Variants in YEATS4 observed in about 807,000 individuals in gnomAD.
The protein encoded by YEATS4 is YEATS domain-containing protein 4.
YEATS4 carries 17 observed loss-of-function variants against 30.1 expected under a neutral mutation model. That is an observed-to-expected ratio of 0.56 (90% confidence interval 0.39 to 0.85). The LOEUF is 0.85. YEATS4 is among the 40% of genes least tolerant of loss of function. The pLI, the probability that YEATS4 is intolerant of heterozygous loss-of-function variation, is 0.00. For synonymous variants in YEATS4, 85 were observed against 87.5 expected, an observed-to-expected ratio of 0.97 and a Z score of 0.16; for missense variants, 142 against 268.3, an observed-to-expected ratio of 0.53 and a Z score of 3.29.
chr12:69,420,301 G>A, the YEATS4 span, among the ~76,000 whole-genome samples: 1 of 152,126 alleles, frequency 6.6e-6, no homozygotes, highest in African/African-American at 2.4e-5. Flanking sequence ...TGTTATAAAG[G>A]CCTGAAGAAA....
At chr12:69,372,973 T>C (rs543925520) in intron 6 of YEATS4, among the ~76,000 whole-genome samples, 29 of 152,350 alleles carry the variant, frequency 1.9e-4, no homozygotes, top group African/African-American at 7.0e-4. Context: ...ATTTCATTCC[T>C]TTTTTATGGC....
At chr12:69,399,381 A>G in the YEATS4 span, among the ~76,000 whole-genome samples, 3 of 152,222 alleles carry the variant, frequency 2.0e-5, no homozygotes. Context: ...AGATATTCAA[A>G]TGGCCAATAA....
At chr12:69,424,682 A>C in the YEATS4 span, among the ~76,000 whole-genome samples, 1 of 151,822 alleles carries the variant, frequency 6.6e-6, no homozygotes, top group Non-Finnish European at 1.5e-5. Flanking sequence ...CTTTATAAGG[A>C]GCTCTTTCCC....
At chr12:69,370,502 T>C (rs901652389) in intron 4 of YEATS4, among the ~76,000 whole-genome samples, 2 of 152,224 alleles carry the variant, frequency 1.3e-5, no homozygotes, top group Non-Finnish European at 2.9e-5. Context: ...AGAGTATTCA[T>C]GTTAGGTAGA....
intron 1 of YEATS4, among the ~76,000 whole-genome samples, chr12:69,362,333 C>T (rs1180642119): frequency 2.2e-5 from 3 of 139,330 alleles, no homozygotes; most frequent in African/African-American, 7.7e-5. Context: ...TGATTAAACA[C>T]GTAAGTAAAA....
intron 4 of YEATS4, among the ~76,000 whole-genome samples, chr12:69,368,906 T>G (rs930403589): frequency 6.6e-6 from 1 of 152,198 alleles, no homozygotes; most frequent in Admixed American, 6.5e-5. Flanking sequence ...AAAGACCCTG[T>G]TTCCAAATAA....
intron 6 of YEATS4, among the ~76,000 whole-genome samples, chr12:69,381,330 G>C (rs1279249811): frequency 6.6e-6 from 1 of 152,200 alleles, no homozygotes; most frequent in African/African-American, 2.4e-5. Flanking sequence ...ATATGGCTCT[G>C]TTCTGCCTGG....
chr12:69,362,682 T>G lies in YEATS4; in HGVS notation c.52-106T>G. 3 of 822,994 alleles carry G rather than the reference T, an allele frequency of 3.6e-6. No individual in the cohort carries two copies. In the South Asian group the frequency reaches 8.6e-5, roughly 24 times the overall value. 51.0% of individuals were successfully genotyped at this position (822,994 alleles called of 1,614,324 possible). On this transcript the variant is annotated intron_variant, in intron 1 of 6. Coordinates refer to ENST00000247843, the MANE Select transcript of YEATS4 (RefSeq NM_006530.4). ...AGAAATCCATATTATAAGCAAACTA[T>G]AGATTGTTAGCCTGCCATTCTTTAA...
intron 4 of YEATS4, among the ~76,000 whole-genome samples, chr12:69,370,210 CA>C (rs1383727467): frequency 1.3e-5 from 2 of 152,060 alleles, no homozygotes; most frequent in Admixed American, 6.6e-5. Flanking sequence ...TTGCTCTTGC[CA>C]AAGTGAATTA....
At chr12:69,405,684 G>A in the YEATS4 span, among the ~76,000 whole-genome samples, 4 of 152,174 alleles carry the variant, frequency 2.6e-5, no homozygotes, top group African/African-American at 9.7e-5. Flanking sequence ...TGGATCTGCT[G>A]GACACAGGGA....
chr12:69,359,957 T>G lies in YEATS4; in HGVS notation c.-16T>G. 1.2e-6 allele frequency: 2 copies of G among 1,612,036 alleles called. No individual in the cohort carries two copies. Among genetic ancestry groups the G allele is most frequent in the Non-Finnish European group, 8.5e-7 (1 of 1,178,986 alleles). ...GTCTCTTTCCCTGGCGGCGGCGGCT[T>G]CTTCCGTGGGACAATATGTTCAAGA... On this transcript the variant is annotated 5_prime_UTR_variant, in exon 1 of 7. Transcript: ENST00000247843.
At chr12:69,404,177 T>C in the YEATS4 span, among the ~76,000 whole-genome samples, 1 of 152,192 alleles carries the variant, frequency 6.6e-6, no homozygotes, top group Admixed American at 6.5e-5. Context: ...ACCTCCTAAA[T>C]GATATATTTG....
the YEATS4 span, among the ~76,000 whole-genome samples, chr12:69,414,688 G>T: frequency 2.0e-5 from 3 of 152,142 alleles, no homozygotes; most frequent in Non-Finnish European, 4.4e-5. Context: ...GGCATATAAC[G>T]TCTGGAGGTA....
the YEATS4 span, among the ~76,000 whole-genome samples, chr12:69,420,904 A>G: frequency 3.9e-5 from 6 of 152,094 alleles, no homozygotes; most frequent in Non-Finnish European, 8.8e-5. Flanking sequence ...TAATGATGTC[A>G]TTTGAGGTCT....
Position 69,390,206 on chromosome 12 carries a change from T to C in YEATS4, c.574T>C (p.Phe192Leu). ...AGAAGCTGCTAAGAAAAAAACAAGC[T>C]TTGAGATTGCAGAGCTTAAGGAGAG... ...KLEAAKKKTSFEIAELKERLK... is the reference protein window; with the variant it reads ...KLEAAKKKTSLEIAELKERLK... The change falls in exon 7 of 7, where the codon TTT becomes CTT. Residue 192 changes from phenylalanine to leucine, a missense_variant. Physicochemically the swap from Phe to Leu is conservative, Grantham distance 22. This residue lies in a region of YEATS4 where 53 missense variants were observed against 68.6 expected (regional missense o/e 0.77). Coordinates refer to ENST00000247843, the MANE Select transcript of YEATS4 (RefSeq NM_006530.4). 6.2e-7 allele frequency: 1 copy of C among 1,601,872 alleles called. No individual in the cohort carries two copies. The highest frequency in any genetic ancestry group is 8.5e-7 in the Non-Finnish European group (1 of 1,177,182).
rs192268617 is a variant in YEATS4 at position 69,365,088 on chromosome 12, G to T, written c.172-545G>T. ...TTTGCCAAAAAAAAAGTTAATTTGGGACGTGTATTTCTATACATTACAAAT... is the reference window on the plus strand; with the variant it reads ...TTTGCCAAAAAAAAAGTTAATTTGGTACGTGTATTTCTATACATTACAAAT... On this transcript the variant is annotated intron_variant, in intron 2 of 6. Coordinates refer to ENST00000247843, the MANE Select transcript of YEATS4 (RefSeq NM_006530.4). Among the ~76,000 whole-genome samples the T allele has an allele frequency of 3.3e-3, 506 of 152,180 alleles. 5 individuals are homozygous for T. Among genetic ancestry groups the T allele is most frequent in the African/African-American group, 0.011 (474 of 41,510 alleles).
At position 69,370,964 on chromosome 12, in the gene YEATS4, A is replaced by C; in HGVS notation, c.503A>C (p.His168Pro). 1.2e-6 allele frequency: 2 copies of C among 1,609,938 alleles called. No homozygotes were observed. Among genetic ancestry groups the C allele is most frequent in the Non-Finnish European group, 1.7e-6 (2 of 1,178,760 alleles). ...CAGCTAACATTAGGAGCCTATAAGC[A>C]TGAAACAGAATGTAAGTGCCATGCA... ...SRQLTLGAYK[H>P]ETEFAELEVK... Residue 168 changes from histidine to proline, a missense_variant, in exon 6 of 7, where the codon CAT (histidine) becomes CCT (proline). His to Pro is a moderately conservative substitution (Grantham distance 77). Coordinates refer to ENST00000247843, the MANE Select transcript of YEATS4 (RefSeq NM_006530.4).
intron 6 of YEATS4, 98 bp downstream of exon 6, chr12:69,371,073 AG>A: frequency 8.4e-7 from 1 of 1,186,270 alleles, no homozygotes; most frequent in Non-Finnish European, 1.2e-6. Context: ...AAAATGAAAT[AG>A]GTAAGTTTTT....
chr12:69,404,398 C>A, the YEATS4 span, among the ~76,000 whole-genome samples: 1 of 152,130 alleles, frequency 6.6e-6, no homozygotes, highest in African/African-American at 2.4e-5. Context: ...GGAGCAGAGC[C>A]CTCATTGAAT....
Sources: allele counts gnomAD v4.1 joint callset (sites outside exome capture counted in the v4.1 genomes callset), GRCh38; gene constraint gnomAD v4.1.1; regional missense constraint gnomAD v4.1.1; transcripts MANE v1.5; gene names NCBI Gene and HGNC (gene_info 2026-07-23, HGNC 2026-07-21).